Variants in KCNMB2 observed in about 807,000 individuals in gnomAD.
The protein encoded by KCNMB2 is calcium-activated potassium channel subunit beta-2.
Under a neutral mutation model 24.5 loss-of-function variants are expected in KCNMB2, and 9 were observed. The observed-to-expected ratio is 0.37, with a 90% CI of 0.22 to 0.64. The LOEUF is 0.64. Among genes scored for constraint, KCNMB2 ranks in the 30% least tolerant of loss-of-function variants. The pLI is 0.63. For synonymous variants in KCNMB2, 109 were observed against 104.4 expected (o/e 1.04, Z -0.27); for missense variants, 226 against 284.3 (o/e 0.79, Z 1.47).
At chr3:178,821,985 T>C (rs1441337050) in intron 2 of KCNMB2, among the ~76,000 whole-genome samples, 1 of 152,194 alleles carries the variant, frequency 6.6e-6, no homozygotes, top group Non-Finnish European at 1.5e-5. Context: ...TCTTAAACTC[T>C]GCACAGAAGC....
chr3:178,833,700 T>A (rs1715125815), intron 4 of KCNMB2, among the ~76,000 whole-genome samples: 1 of 152,192 alleles, frequency 6.6e-6, no homozygotes, highest in African/African-American at 2.4e-5. Context: ...GGCGAAAGGA[T>A]ATTAGTCAAT....
At chr3:178,546,610 G>T (rs376958276) in intron 1 of KCNMB2, among the ~76,000 whole-genome samples, 2 of 152,186 alleles carry the variant, frequency 1.3e-5, no homozygotes, top group South Asian at 2.1e-4. Context: ...TGGGGACTGT[G>T]CCCTGACAGA....
At chr3:178,818,537 T>C (rs925461171) in intron 2 of KCNMB2, among the ~76,000 whole-genome samples, 2 of 152,196 alleles carry the variant, frequency 1.3e-5, no homozygotes, top group South Asian at 2.1e-4. Context: ...TGGTTTTCTG[T>C]TTCTGCGTTA....
At chr3:178,564,478 C>G (rs1185265920) in intron 1 of KCNMB2, among the ~76,000 whole-genome samples, 1 of 152,142 alleles carries the variant, frequency 6.6e-6, no homozygotes, top group Non-Finnish European at 1.5e-5. Context: ...TCAGACCTAT[C>G]TAACAATTGC....
intron 3 of KCNMB2, among the ~76,000 whole-genome samples, chr3:178,827,952 A>T (rs1577219642): frequency 6.6e-6 from 1 of 152,232 alleles, no homozygotes; most frequent in East Asian, 1.9e-4. Flanking sequence ...TACCATATCC[A>T]ATGGAAGTCA....
chr3:178,791,474 G>A (rs185215971), intron 1 of KCNMB2, among the ~76,000 whole-genome samples: 11 of 152,280 alleles, frequency 7.2e-5, no homozygotes, highest in South Asian at 2.1e-4. Flanking sequence ...GAATCACACC[G>A]ACAGGATCTG....
Position 178,825,993 on chromosome 3 carries a change from C to T in KCNMB2, c.227+235C>T, listed in dbSNP as rs1714820111. 2.6e-5 allele frequency among the ~76,000 whole-genome samples: 4 copies of T among 152,144 alleles called. No homozygotes were observed. In the South Asian group the frequency reaches 8.3e-4, roughly 32 times the overall value. On this transcript the variant is annotated intron_variant, in intron 3 of 4. Transcript: ENST00000452583. ...TCTACTTCTTTAATTATCACAATTA[C>T]TCTATAAGGTAAGTATAAATATACT... is the stretch of plus-strand genomic sequence containing the variant.
chr3:178,801,621 T>A (rs1300158494), intron 1 of KCNMB2, among the ~76,000 whole-genome samples: 2 of 152,000 alleles, frequency 1.3e-5, no homozygotes, highest in Non-Finnish European at 2.9e-5. Context: ...ACAAAAGAAA[T>A]GGAAGGAGCA....
At chr3:178,724,400 T>A (rs984807514) in intron 1 of KCNMB2, among the ~76,000 whole-genome samples, 9 of 152,156 alleles carry the variant, frequency 5.9e-5, no homozygotes, top group African/African-American at 1.2e-4. Context: ...AATCTGGATA[T>A]CAGTCCTTTG....
At chr3:178,700,361 A>G (rs1324886435) in intron 1 of KCNMB2, among the ~76,000 whole-genome samples, 1 of 152,224 alleles carries the variant, frequency 6.6e-6, no homozygotes, top group Non-Finnish European at 1.5e-5. Flanking sequence ...TTTAAGCCTA[A>G]AGGCTTAATA....
chr3:178,686,233 T>C (rs902300424), intron 1 of KCNMB2, among the ~76,000 whole-genome samples: 1 of 152,204 alleles, frequency 6.6e-6, no homozygotes, highest in Non-Finnish European at 1.5e-5. Flanking sequence ...CATACACATT[T>C]ATTTAATAAA....
At chr3:178,574,169 G>A (rs1408852998) in intron 1 of KCNMB2, among the ~76,000 whole-genome samples, 1 of 152,094 alleles carries the variant, frequency 6.6e-6, no homozygotes, top group Non-Finnish European at 1.5e-5. Flanking sequence ...TAAGAACACG[G>A]AAACCAAGGA....
chr3:178,700,577 A>T (rs1722051563), intron 1 of KCNMB2, among the ~76,000 whole-genome samples: 2 of 152,236 alleles, frequency 1.3e-5, no homozygotes, highest in Non-Finnish European at 2.9e-5. Context: ...TATGCTCTGG[A>T]TCCTCACATG....
At chr3:178,720,947 T>G (rs962892190) in intron 1 of KCNMB2, among the ~76,000 whole-genome samples, 1 of 152,166 alleles carries the variant, frequency 6.6e-6, no homozygotes, top group Non-Finnish European at 1.5e-5. Flanking sequence ...TGATGGTAGT[T>G]TCTTTTGCTG....
intron 1 of KCNMB2, among the ~76,000 whole-genome samples, chr3:178,722,143 T>A (rs1427411873): frequency 6.6e-6 from 1 of 152,210 alleles, no homozygotes; most frequent in East Asian, 1.9e-4. Context: ...CCATTTTTTT[T>A]CTAAAAGTTT....
intron 1 of KCNMB2, among the ~76,000 whole-genome samples, chr3:178,643,099 A>G (rs1226643987): frequency 1.3e-5 from 2 of 152,228 alleles, no homozygotes; most frequent in African/African-American, 4.8e-5. Context: ...GAACCACTGC[A>G]TGGAATAACC....
intron 1 of KCNMB2, among the ~76,000 whole-genome samples, chr3:178,776,372 C>T (rs1329173764): frequency 6.6e-6 from 1 of 152,092 alleles, no homozygotes; most frequent in Non-Finnish European, 1.5e-5. Flanking sequence ...TTTGTTCATT[C>T]TTTTCACCCC....
intron 2 of KCNMB2, chr3:178,820,720 T>C (rs1383982825): frequency 6.6e-6 from 1 of 152,626 alleles, no homozygotes; most frequent in Non-Finnish European, 1.5e-5. Context: ...GACTAATGCT[T>C]GGCGTAAAAT....
rs185879208 is a variant in KCNMB2, at chr3:178,790,217, G to A, written c.-67-17126G>A. 5.0e-3 allele frequency among the ~76,000 whole-genome samples: 757 copies of A among 152,112 alleles called. 8 individuals are homozygous for A. The highest frequency in any genetic ancestry group is 6.8e-3 in the Middle Eastern group (2 of 294). On this transcript the variant is annotated intron_variant, in intron 1 of 4. Coordinates refer to ENST00000452583, the MANE Select transcript of KCNMB2 (RefSeq NM_181361.3). ...CTAGTCCAGGTAGGATTTATCACCT[G>A]CTGACTAAAGGGTCCTTGGGCCTTA...
Sources: allele counts gnomAD v4.1 joint callset (sites outside exome capture counted in the v4.1 genomes callset), GRCh38; gene constraint gnomAD v4.1.1; transcripts MANE v1.5; gene names NCBI Gene and HGNC (gene_info 2026-07-23, HGNC 2026-07-21).